CD86: variants seen among roughly 807,000 people sequenced by gnomAD.
CD86 encodes the protein CD86 molecule.
A neutral mutation model predicts 32.1 loss-of-function variants in CD86; 11 were observed. The ratio of observed to expected loss-of-function variants is 0.34; its 90% confidence interval spans 0.22 to 0.57. The LOEUF (loss-of-function observed/expected upper bound fraction) is 0.57, where lower values mean the gene tolerates loss of function less well. Ranked by LOEUF, CD86 falls within the 20% of genes least tolerant of loss-of-function variation. The probability of loss-of-function intolerance (pLI) is 0.86; values close to 1 mark genes in which losing one functional copy is unlikely to be tolerated. For missense variants in CD86, 359 were observed against 398.4 expected (o/e 0.90, Z 0.84); for synonymous variants, 137 against 135.3 (o/e 1.01, Z -0.09).
intron 1 of CD86, among the ~76,000 whole-genome samples, chr3:122,088,584 T>C (rs2072763089): frequency 6.6e-6 from 1 of 151,956 alleles, no homozygotes; most frequent in Admixed American, 6.6e-5. Context: ...AAGCGCAGAG[T>C]ATGGGAACAG....
intron 1 of CD86, among the ~76,000 whole-genome samples, chr3:122,090,397 C>G (rs939245097): frequency 6.6e-6 from 1 of 152,204 alleles, no homozygotes; most frequent in Non-Finnish European, 1.5e-5. Flanking sequence ...TTTTTATCAA[C>G]AGACCTATGA....
intron 2 of CD86, among the ~76,000 whole-genome samples, chr3:122,093,922 C>T (rs1371587179): frequency 1.3e-5 from 2 of 152,216 alleles, no homozygotes; most frequent in Non-Finnish European, 2.9e-5. Context: ...ATTTAGCATT[C>T]GTTCACTTGA....
intron 1 of CD86, among the ~76,000 whole-genome samples, chr3:122,069,372 C>T (rs1325514817): frequency 1.3e-5 from 2 of 151,734 alleles, no homozygotes; most frequent in African/African-American, 2.4e-5. Flanking sequence ...TACTGAGATT[C>T]GAAGATGGAT....
chr3:122,070,425 T>G (rs955816037), intron 1 of CD86, among the ~76,000 whole-genome samples: 3 of 152,016 alleles, frequency 2.0e-5, no homozygotes. Flanking sequence ...AGAGTGAGGG[T>G]CCATCCTACC....
chr3:122,106,096 G>A (rs1487536138), intron 3 of CD86, 102 bp from the exon 4 acceptor site: 3 of 829,946 alleles, frequency 3.6e-6, no homozygotes, highest in Admixed American at 2.9e-5. Context: ...GCTCCCAGGT[G>A]TGCCCCAATG....
chr3:122,103,534 A>G lies in CD86; in HGVS notation c.87A>G (p.Gln29=), dbSNP rs938518326. ...LLSGAAPLKI[Q]AYFNETADLP... is the part of the protein sequence containing the mutation. ...TAGGTGCTGCTCCTCTGAAGATTCA[A>G]GCTTATTTCAATGAGACTGCAGACC... Residue 29 remains glutamine (Q), a synonymous_variant, in exon 3 of 7, where the codon CAA becomes CAG. Transcript: ENST00000330540. 1.2e-5 allele frequency: 20 copies of G among 1,612,478 alleles called. No homozygotes were observed. The highest frequency in any genetic ancestry group is 1.7e-5 in the Non-Finnish European group (20 of 1,179,184).
chr3:122,092,104 T>A (rs2072833725), intron 2 of CD86: 2 of 156,640 alleles, frequency 1.3e-5, no homozygotes, highest in African/African-American at 4.8e-5. Context: ...GCACTGGCTT[T>A]CACGTCCCTG....
At chr3:122,093,264 C>T (rs187065291) in intron 2 of CD86, among the ~76,000 whole-genome samples, 1 of 152,302 alleles carries the variant, frequency 6.6e-6, no homozygotes, top group African/African-American at 2.4e-5. Flanking sequence ...TCAAGCAATT[C>T]TCCCACCTCA....
At chr3:122,059,535 CAA>C (rs35060876) in intron 1 of CD86, among the ~76,000 whole-genome samples, 19 of 67,920 alleles carry the variant, frequency 2.8e-4, no homozygotes, top group Admixed American at 5.0e-4. Flanking sequence ...GACTCCGTCT[CAA>C]AAAAAAAAAA....
intron 2 of CD86, 50 bp from the exon 3 acceptor site, chr3:122,103,462 T>A: frequency 5.6e-6 from 7 of 1,254,960 alleles, no homozygotes; most frequent in Non-Finnish European, 7.9e-6. Context: ...GGAGGTTTTT[T>A]CCCCTTTCCT....
intron 2 of CD86, among the ~76,000 whole-genome samples, chr3:122,097,595 A>G (rs891375726): frequency 4.6e-5 from 7 of 152,240 alleles, no homozygotes; most frequent in African/African-American, 7.2e-5. Context: ...AGAAGCCCCA[A>G]ATGAAAGGCT....
chr3:122,082,164 A>T (rs1336450673), intron 1 of CD86, among the ~76,000 whole-genome samples: 2 of 152,204 alleles, frequency 1.3e-5, no homozygotes, highest in Non-Finnish European at 2.9e-5. Context: ...TGGTTTGAAT[A>T]GTACTTGTGA....
intron 1 of CD86, among the ~76,000 whole-genome samples, chr3:122,085,654 TG>T (rs1167536754): frequency 1.3e-5 from 2 of 152,096 alleles, no homozygotes; most frequent in African/African-American, 4.8e-5. Context: ...TGTGGGCTCT[TG>T]TTCAGGCAAA....
At position 122,109,387 on chromosome 3, in the gene CD86, C is replaced by T. The variant is rs757275571; in HGVS notation, c.826C>T (p.Pro276Ser). The change falls in exon 5 of 7, where the codon CCT (proline) becomes TCT (serine). Residue 276 changes from proline to serine, a missense_variant. By Grantham distance (74) the Pro-to-Ser change is moderately conservative (BLOSUM62 -1). Transcript: ENST00000330540. ...ATGGAAATGGAAGAAGAAGAAGCGG[C>T]CTCGCAACTCTTATAAATGTGGTGA... ...ILWKWKKKKR[P>S]RNSYKCGTNT... The T allele has an allele frequency of 6.8e-6, 11 of 1,613,922 alleles. No homozygotes were observed. The highest frequency in any genetic ancestry group is 1.3e-5 in the African/African-American group (1 of 74,914).
intron 3 of CD86, 40 bp from the exon 4 acceptor site, chr3:122,106,158 A>G: frequency 1.4e-6 from 2 of 1,475,784 alleles, no homozygotes; most frequent in Non-Finnish European, 1.8e-6. Flanking sequence ...GATACATCTA[A>G]ACTTAGATTG....
At chr3:122,093,753 A>G (rs1365645329) in intron 2 of CD86, among the ~76,000 whole-genome samples, 1 of 152,174 alleles carries the variant, frequency 6.6e-6, no homozygotes, top group Non-Finnish European at 1.5e-5. Context: ...CCTCATAAAT[A>G]TTAACTCATT....
intron 1 of CD86, among the ~76,000 whole-genome samples, chr3:122,075,076 T>A (rs1384944039): frequency 4.6e-5 from 7 of 151,364 alleles, no homozygotes; most frequent in Admixed American, 4.6e-4. Flanking sequence ...GCAAGGGGGT[T>A]GCGATATGAC....
intron 1 of CD86, among the ~76,000 whole-genome samples, chr3:122,063,591 G>T (rs942727937): frequency 4.7e-5 from 6 of 128,164 alleles, no homozygotes; most frequent in Admixed American, 3.7e-4. Flanking sequence ...TACATAGAAA[G>T]ATTTTTTTTT....
At chr3:122,070,947 G>T (rs1437998287) in intron 1 of CD86, among the ~76,000 whole-genome samples, 6 of 151,080 alleles carry the variant, frequency 4.0e-5, no homozygotes, top group South Asian at 4.2e-4. Context: ...TAGCATGTGT[G>T]TTTTTTTTTA....
Sources: gnomAD v4.1 joint callset for allele counts (sites outside exome capture counted in the v4.1 genomes callset) on GRCh38, gnomAD v4.1.1 for gene constraint, MANE v1.5 for transcripts, NCBI Gene and HGNC (gene_info 2026-07-23, HGNC 2026-07-21) for gene names.